Variants in FAM193A observed in about 807,000 individuals in gnomAD.
FAM193A encodes protein FAM193A.
FAM193A carries 22 observed loss-of-function variants against 126.5 expected under a neutral mutation model. The observed-to-expected ratio is 0.17, with a 90% CI of 0.12 to 0.25. The LOEUF (loss-of-function observed/expected upper bound fraction) is 0.25. FAM193A is among the 10% of genes least tolerant of loss of function. The probability of loss-of-function intolerance (pLI) is 1.00; values close to 1 mark genes in which losing one functional copy is unlikely to be tolerated. For missense variants in FAM193A, 1,675 were observed against 1,672.8 expected (o/e 1.00, Z -0.02); for synonymous variants, 761 against 646.8 (o/e 1.18, Z -2.68).
At chr4:2,541,421 G>A (rs555307925) in intron 1 of FAM193A, among the ~76,000 whole-genome samples, 49 of 150,464 alleles carry the variant, frequency 3.3e-4, no homozygotes, top group African/African-American at 1.1e-3. Context: ...CTGGGTTATA[G>A]TCCACAGAAT....
intron 13 of FAM193A, among the ~76,000 whole-genome samples, chr4:2,684,936 G>C (rs1715564847): frequency 6.6e-6 from 1 of 152,218 alleles, no homozygotes; most frequent in African/African-American, 2.4e-5. Flanking sequence ...AGGTGCGGCT[G>C]CATTTTGCTG....
chr4:2,647,808 T>A (rs1481062782), intron 7 of FAM193A, among the ~76,000 whole-genome samples: 1 of 152,190 alleles, frequency 6.6e-6, no homozygotes, highest in Non-Finnish European at 1.5e-5. Flanking sequence ...ACTGAGTTTC[T>A]CTTTTGCACT....
chr4:2,601,832 G>A (rs1016335173), intron 2 of FAM193A, among the ~76,000 whole-genome samples: 3 of 151,648 alleles, frequency 2.0e-5, no homozygotes, highest in African/African-American at 7.3e-5. Flanking sequence ...TTAATTAATT[G>A]TTGCTTTTTA....
intron 2 of FAM193A, among the ~76,000 whole-genome samples, chr4:2,601,227 C>CTTTTTTTTTTTT (rs1201989388): frequency 9.0e-6 from 1 of 110,668 alleles, no homozygotes; most frequent in African/African-American, 3.4e-5. Context: ...TCTTCTTCTT[C>CTTTTTTTTTTTT]TTTTTTTTTT....
At chr4:2,594,820 C>CTTTTTTTTTTTTTTTTTTT (rs386399069) in intron 1 of FAM193A, among the ~76,000 whole-genome samples, 3 of 62,212 alleles carry the variant, frequency 4.8e-5, no homozygotes, top group African/African-American at 7.9e-5. Flanking sequence ...TTTTCTTTTC[C>CTTTTTTTTTTTTTTTTTTT]TTTTTTTTTT....
chr4:2,697,453 A>G (rs984619810), intron 18 of FAM193A, among the ~76,000 whole-genome samples: 6 of 152,226 alleles, frequency 3.9e-5, no homozygotes, highest in African/African-American at 1.4e-4. Flanking sequence ...TAAAAGTGTC[A>G]GGCTCCAAGA....
At chr4:2,597,667 G>A (rs112509066) in intron 2 of FAM193A, among the ~76,000 whole-genome samples, 24 of 152,292 alleles carry the variant, frequency 1.6e-4, no homozygotes, top group African/African-American at 5.5e-4. Flanking sequence ...CAGAGGTGTA[G>A]TGTTGGCCTG....
intron 16 of FAM193A, among the ~76,000 whole-genome samples, chr4:2,694,406 C>T (rs1225724038): frequency 6.6e-6 from 1 of 151,904 alleles, no homozygotes; most frequent in African/African-American, 2.4e-5. Flanking sequence ...AGTAGTGAGA[C>T]TACAGGCATA....
intron 12 of FAM193A, among the ~76,000 whole-genome samples, chr4:2,669,628 TA>T (rs143337342): frequency 0.026 from 3,906 of 152,162 alleles, 181 homozygotes; most frequent in African/African-American, 0.089. Context: ...AAATAAATAA[TA>T]AATAGAGTGG....
rs754694259 is a variant in FAM193A at position 2,693,783 on chromosome 4, C to G, written c.3001C>G (p.Pro1001Ala). ...ATTCCCCAAAACAGCAACCACAACT[C>G]CTGGGTTTGTGGACACACGCAAGAG... is the stretch of plus-strand genomic sequence containing the variant. ...PSFPKTATTTPGFVDTRKSFC... is the reference protein window; with the variant it reads ...PSFPKTATTTAGFVDTRKSFC... The change falls in exon 16 of 21, where the codon CCT (proline) becomes GCT (alanine). Residue 1001 changes from proline (P) to alanine (A), a missense_variant. By Grantham distance (27) the Pro-to-Ala change is conservative. This residue lies in a region of FAM193A where 1,186 missense variants were observed against 1,109.2 expected (regional missense o/e 1.07). Coordinates refer to ENST00000637812, the MANE Select transcript of FAM193A (RefSeq NM_001366318.2). 6.2e-7 allele frequency: 1 copy of G among 1,614,240 alleles called. No individual in the cohort carries two copies. The highest frequency in any genetic ancestry group is 2.2e-5 in the East Asian group (1 of 44,884).
rs376981477 is a variant in FAM193A, at chr4:2,676,938, C to G, written c.2331+4566C>G. 9.9e-5 allele frequency among the ~76,000 whole-genome samples: 15 copies of G among 151,208 alleles called. No homozygotes were observed. The East Asian group carries it at 2.9e-3, about 29-fold the overall frequency. On this transcript the variant is annotated intron_variant, in intron 13 of 20. Coordinates refer to ENST00000637812, the MANE Select transcript of FAM193A (RefSeq NM_001366318.2). Reference sequence around the variant, plus strand: ...CTTGGGCGACAGAGCAAGATTCCGTCTCAAAAAAAAAAAAATTTTCATGCA... The same window carrying G: ...CTTGGGCGACAGAGCAAGATTCCGTGTCAAAAAAAAAAAAATTTTCATGCA...
rs1577091541 is a variant in FAM193A, at chr4:2,625,512, G to A, written c.635+117G>A. 4 of 529,270 alleles carry A rather than the reference G, an allele frequency of 7.6e-6. No homozygotes were observed. The East Asian group carries it at 1.2e-4, about 16-fold the overall frequency. The allele number at this position is 529,270 out of a possible 1,614,324, so 32.8% of individuals were successfully genotyped here. A position where few individuals can be genotyped will look rare whatever the true frequency, so the allele number is the denominator to read the frequency against. ...GACAGACAGCAACAAGAGTAAGGCA[G>A]TTGCTTCGCTATTGAGAGAAAGAAC... On this transcript the variant is annotated intron_variant, in intron 3 of 20. Coordinates refer to ENST00000637812, the MANE Select transcript of FAM193A (RefSeq NM_001366318.2).
At chr4:2,730,692 GA>G (rs370359383) in intron 20 of FAM193A, among the ~76,000 whole-genome samples, 5,402 of 132,678 alleles carry the variant, frequency 0.041, 127 homozygotes, top group Non-Finnish European at 0.063. Context: ...TCCGTGTCAA[GA>G]AAAAAAAAAA....
chr4:2,607,505 T>G (rs1436476903), intron 2 of FAM193A, among the ~76,000 whole-genome samples: 1 of 152,242 alleles, frequency 6.6e-6, no homozygotes, highest in Non-Finnish European at 1.5e-5. Context: ...CCATTAGTAG[T>G]TAACCACAGA....
At chr4:2,550,894 G>A (rs1021611165) in intron 1 of FAM193A, among the ~76,000 whole-genome samples, 3 of 151,402 alleles carry the variant, frequency 2.0e-5, no homozygotes, top group Admixed American at 6.6e-5. Context: ...TCTGCCTCCC[G>A]GGTTCACGCC....
intron 20 of FAM193A, among the ~76,000 whole-genome samples, chr4:2,730,235 A>G (rs548197909): frequency 9.2e-5 from 14 of 152,208 alleles, no homozygotes; most frequent in Non-Finnish European, 2.1e-4. Flanking sequence ...TGTCAGTTTC[A>G]GGAAGGAAAA....
chr4:2,683,745 A>G (rs1412386998), intron 13 of FAM193A, among the ~76,000 whole-genome samples: 1 of 152,226 alleles, frequency 6.6e-6, no homozygotes, highest in Admixed American at 6.5e-5. Flanking sequence ...TTACTACTTC[A>G]ACTGTTTCTC....
In FAM193A at chr4:2,690,929, A is replaced by G. The variant is rs754375061; in HGVS notation, c.2762A>G (p.Asn921Ser). 1.2e-6 allele frequency: 2 copies of G among 1,613,912 alleles called. No individual in the cohort carries two copies. The highest frequency in any genetic ancestry group is 1.7e-6 in the Non-Finnish European group (2 of 1,180,008). Residue 921 changes from asparagine to serine, a missense_variant, in exon 15 of 21, where the codon AAC becomes AGC. By Grantham distance (46) the Asn-to-Ser change is conservative (BLOSUM62 1). Around this residue, in one of 4 missense-constraint regions of FAM193A, gnomAD observed 1,186 missense variants for 1,109.2 expected, o/e 1.07. Coordinates refer to ENST00000637812, the MANE Select transcript of FAM193A (RefSeq NM_001366318.2). ...ACAGCTACCACAGTGCAGTCCAGCAACAGCCAGTTCAGAGTGTCATCCAAG... is the reference window on the plus strand; with the variant it reads ...ACAGCTACCACAGTGCAGTCCAGCAGCAGCCAGTTCAGAGTGTCATCCAAG... ...SCTATTVQSSNSQFRVSSKRP... is the reference protein window; with the variant it reads ...SCTATTVQSSSSQFRVSSKRP...
At chr4:2,665,207 T>C (rs556617168) in intron 12 of FAM193A, among the ~76,000 whole-genome samples, 2 of 152,366 alleles carry the variant, frequency 1.3e-5, no homozygotes, top group East Asian at 3.9e-4. Context: ...ATAAGTATTA[T>C]GTGTTTTCAT....
Sources: allele counts gnomAD v4.1 joint callset (sites outside exome capture counted in the v4.1 genomes callset), GRCh38; gene constraint gnomAD v4.1.1; regional missense constraint gnomAD v4.1.1; transcripts MANE v1.5; gene names NCBI Gene and HGNC (gene_info 2026-07-23, HGNC 2026-07-21).